HOOK1: variants seen among roughly 807,000 people sequenced by gnomAD.
HOOK1 encodes protein Hook homolog 1.
Under a neutral mutation model 112.8 loss-of-function variants are expected in HOOK1, and 60 were observed. The ratio of observed to expected loss-of-function variants is 0.53; its 90% CI spans 0.43 to 0.66. The LOEUF is 0.66. Ranked by LOEUF, HOOK1 falls within the 30% of genes least tolerant of loss-of-function variation. The pLI is 0.00. For missense variants in HOOK1, 770 were observed against 856.0 expected (o/e 0.90, Z 1.25); for synonymous variants, 294 against 283.8 (o/e 1.04, Z -0.36).
At chr1:59,871,629 A>G (rs879002535) in intron 21 of HOOK1, among the ~76,000 whole-genome samples, 1 of 152,136 alleles carries the variant, frequency 6.6e-6, no homozygotes, top group Admixed American at 6.5e-5. Flanking sequence ...ATAGTTTGAA[A>G]TGTGTTTTAT....
intron 12 of HOOK1, among the ~76,000 whole-genome samples, chr1:59,849,461 A>G (rs747073074): frequency 7.3e-5 from 11 of 151,638 alleles, no homozygotes; most frequent in Non-Finnish European, 1.5e-4. Context: ...GACCATAGAT[A>G]ATAATTTTGC....
chr1:59,814,971 C>T lies in HOOK1; in HGVS notation c.-147C>T. 1 of 743,462 alleles carries T rather than the reference C, an allele frequency of 1.3e-6. No individual in the cohort carries two copies. The highest frequency in any genetic ancestry group is 1.8e-5 in the South Asian group (1 of 56,842). The allele number at this position is 743,462 out of a possible 1,614,324, so 46.1% of individuals were successfully genotyped here. A position where few individuals can be genotyped will look rare whatever the true frequency, so the allele number is the denominator to read the frequency against. The stretch of plus-strand genomic sequence containing the variant: ...GGGGTGACGCCGGACGCGTCGACAG[C>T]GCGAGGGTTCGCGCGTGAGCTGCGC... On this transcript the variant is annotated 5_prime_UTR_variant, in exon 1 of 22. Coordinates refer to ENST00000371208, the MANE Select transcript of HOOK1 (RefSeq NM_015888.6).
intron 9 of HOOK1, among the ~76,000 whole-genome samples, chr1:59,844,844 G>A (rs182129134): frequency 2.0e-5 from 3 of 151,938 alleles, no homozygotes; most frequent in East Asian, 1.9e-4. Context: ...CAGAATTATT[G>A]TGAAAATTTG....
intron 20 of HOOK1, 177 bp from the exon 21 acceptor site, chr1:59,870,865 C>T (rs903927123): frequency 5.7e-6 from 3 of 526,974 alleles, no homozygotes; most frequent in South Asian, 2.5e-5. Context: ...CTTATTCTTT[C>T]CTAAAGGTGT....
chr1:59,821,588 A>G (rs2098385650), intron 1 of HOOK1, among the ~76,000 whole-genome samples: 1 of 152,220 alleles, frequency 6.6e-6, no homozygotes, highest in African/African-American at 2.4e-5. Flanking sequence ...GTATTATTCC[A>G]AATTATGTAT....
chr1:59,824,147 C>T (rs147681388), intron 2 of HOOK1, among the ~76,000 whole-genome samples: 3 of 152,066 alleles, frequency 2.0e-5, no homozygotes, highest in African/African-American at 7.2e-5. Context: ...TGTCCTATTC[C>T]GATTAAAAGG....
chr1:59,871,045 G>A lies in HOOK1; in HGVS notation c.1951G>A (p.Glu651Lys). 2.5e-6 allele frequency: 4 copies of A among 1,600,314 alleles called. No individual in the cohort carries two copies. Among genetic ancestry groups the A allele is most frequent in the Non-Finnish European group, 3.4e-6 (4 of 1,168,132 alleles). Residue 651 changes from glutamate (E) to lysine (K), a missense_variant, in exon 21 of 22, where the codon GAA (glutamate) becomes AAA (lysine). Glu to Lys is a moderately conservative substitution (Grantham distance 56). Transcript: ENST00000371208. ...KERRIEILES[E>K]CKVAKFRDYE... ...TGTTCTCATATCTTTTTTCCAGAGT[G>A]AATGCAAAGTAGCAAAATTCCGTGA...
intron 7 of HOOK1, 55 bp from the exon 8 acceptor site, chr1:59,840,253 T>A: frequency 8.3e-7 from 1 of 1,210,662 alleles, no homozygotes; most frequent in South Asian, 1.7e-5. Context: ...TTTCTATTTT[T>A]CTATATTTGT....
At chr1:59,852,850 T>C (rs1413669380) in intron 12 of HOOK1, among the ~76,000 whole-genome samples, 2 of 151,918 alleles carry the variant, frequency 1.3e-5, no homozygotes, top group African/African-American at 4.8e-5. Flanking sequence ...GTTTAATTCT[T>C]TTGAATTATT....
chr1:59,869,131 T>A (rs535683935), intron 20 of HOOK1, among the ~76,000 whole-genome samples: 6 of 152,278 alleles, frequency 3.9e-5, no homozygotes, highest in East Asian at 3.9e-4. Context: ...TATGCATAAT[T>A]GCAGAGCCAT....
At chr1:59,830,010 A>C (rs556032644) in intron 3 of HOOK1, among the ~76,000 whole-genome samples, 67 of 152,102 alleles carry the variant, frequency 4.4e-4, no homozygotes, top group South Asian at 1.5e-3. Context: ...ATATTTGAGG[A>C]TTTTCCAGTT....
chr1:59,870,605 G>GA (rs1226354072), intron 20 of HOOK1, among the ~76,000 whole-genome samples: 1 of 152,140 alleles, frequency 6.6e-6, no homozygotes, highest in African/African-American at 2.4e-5. Flanking sequence ...AATTAAGAGA[G>GA]AAAAATTTGT....
Position 59,873,906 on chromosome 1 carries a change from G to A in HOOK1, c.*941G>A, listed in dbSNP as rs1483380317. The A allele has an allele frequency of 6.6e-6, 1 of 151,706 alleles. No individual in the cohort carries two copies. Among genetic ancestry groups the A allele is most frequent in the Non-Finnish European group, 1.5e-5 (1 of 67,896 alleles). 9.4% of individuals were successfully genotyped at this position (151,706 alleles called of 1,614,324 possible). A position where few individuals can be genotyped will look rare whatever the true frequency, so the allele number is the denominator to read the frequency against. Reference sequence around the variant, plus strand: ...TGCTTCATTGAAAAGGGATGTTGCAGTGATGAAACAAGGTGGGATCAGTTT... The same window carrying A: ...TGCTTCATTGAAAAGGGATGTTGCAATGATGAAACAAGGTGGGATCAGTTT... On this transcript the variant is annotated 3_prime_UTR_variant, in exon 22 of 22. Coordinates refer to ENST00000371208, the MANE Select transcript of HOOK1 (RefSeq NM_015888.6).
intron 2 of HOOK1, among the ~76,000 whole-genome samples, chr1:59,827,786 T>C (rs1213198921): frequency 2.0e-5 from 3 of 152,106 alleles, no homozygotes; most frequent in Admixed American, 6.5e-5. Context: ...TTAGAACATA[T>C]GAGCAGAAAG....
chr1:59,855,715 G>A (rs1229669071), intron 12 of HOOK1, among the ~76,000 whole-genome samples: 2 of 150,768 alleles, frequency 1.3e-5, no homozygotes, highest in Admixed American at 1.3e-4. Flanking sequence ...TACTTGATGG[G>A]AGTCCTACAG....
chr1:59,854,108 G>A (rs1212573595), intron 12 of HOOK1, among the ~76,000 whole-genome samples: 1 of 126,416 alleles, frequency 7.9e-6, no homozygotes, highest in Non-Finnish European at 1.6e-5. Context: ...CTGGAGTGCA[G>A]TGACACGATT....
intron 2 of HOOK1, among the ~76,000 whole-genome samples, chr1:59,823,205 A>G (rs1574174177): frequency 6.6e-6 from 1 of 152,198 alleles, no homozygotes; most frequent in East Asian, 1.9e-4. Flanking sequence ...CTGTAGTCCC[A>G]GCTACTCGGG....
At chr1:59,831,533 A>C (rs1021048516) in intron 3 of HOOK1, among the ~76,000 whole-genome samples, 2 of 152,190 alleles carry the variant, frequency 1.3e-5, no homozygotes, top group Non-Finnish European at 2.9e-5. Context: ...CAAAGGAACC[A>C]TTTTACACAA....
At chr1:59,868,207 C>G (rs1316086501) in intron 19 of HOOK1, 43 bp from the exon 20 acceptor site, 1 of 1,059,580 alleles carries the variant, frequency 9.4e-7, no homozygotes, top group African/African-American at 1.6e-5. Flanking sequence ...TGTTTTAATA[C>G]TTTAAAATAT....
Sources: allele counts gnomAD v4.1 joint callset (sites outside exome capture counted in the v4.1 genomes callset), GRCh38; gene constraint gnomAD v4.1.1; transcripts MANE v1.5; gene names NCBI Gene and HGNC (gene_info 2026-07-23, HGNC 2026-07-21).